ZNF638: variants seen among roughly 807,000 people sequenced by gnomAD.
ZNF638 encodes CTCL tumor antigen se33-1.
ZNF638 carries 46 observed loss-of-function variants against 195.6 expected under a neutral mutation model. The observed-to-expected ratio is 0.24, with a 90% CI of 0.19 to 0.30. ZNF638 has a LOEUF of 0.30. Among genes scored for constraint, ZNF638 ranks in the 10% least tolerant of loss-of-function variants. The pLI is 1.00. For missense variants in ZNF638, 2,440 were observed against 2,325.3 expected (o/e 1.05, Z -1.01); for synonymous variants, 845 against 772.0 (o/e 1.09, Z -1.57).
chr2:71,416,873 C>T (rs974623668), intron 20 of ZNF638, among the ~76,000 whole-genome samples: 1 of 148,224 alleles, frequency 6.7e-6, no homozygotes, highest in Admixed American at 6.7e-5. Context: ...AACCACTGCT[C>T]TCTTCAAAGC....
At chr2:71,347,945 A>C (rs892414871) in intron 1 of ZNF638, among the ~76,000 whole-genome samples, 5 of 152,178 alleles carry the variant, frequency 3.3e-5, no homozygotes, top group African/African-American at 1.2e-4. Context: ...AAAACTGTAC[A>C]TATCTCAGGA....
At chr2:71,393,231 T>C (rs1271294211) in intron 10 of ZNF638, among the ~76,000 whole-genome samples, 1 of 152,226 alleles carries the variant, frequency 6.6e-6, no homozygotes, top group East Asian at 1.9e-4. Flanking sequence ...TTCTAAAATT[T>C]AAATGATAAA....
chr2:71,399,475 A>G, intron 12 of ZNF638, 84 bp from the exon 13 acceptor site: 2 of 906,802 alleles, frequency 2.2e-6, no homozygotes. Context: ...ATAAAGTCAA[A>G]CTAATTTACT....
Position 71,408,167 on chromosome 2 carries a change from A to G in ZNF638, c.3181A>G (p.Ser1061Gly), listed in dbSNP as rs1290897233. 34 of 1,613,336 alleles carry G rather than the reference A, an allele frequency of 2.1e-5. No homozygotes were observed. The highest frequency in any genetic ancestry group is 2.7e-5 in the Non-Finnish European group (32 of 1,179,606). ...DSPESAQSMY[S>G]FLKQNPQNIG... ...TCCTGAATCTGCTCAGTCAATGTAT[A>G]GCTTTCTGAAACAAAATCCACAAAA... Residue 1061 changes from serine (S) to glycine (G), a missense_variant, in exon 20 of 28, where the codon AGC (serine) becomes GGC (glycine). By Grantham distance (56) the Ser-to-Gly change is moderately conservative. Coordinates refer to ENST00000264447, the MANE Select transcript of ZNF638 (RefSeq NM_014497.5).
intron 10 of ZNF638, among the ~76,000 whole-genome samples, chr2:71,381,878 A>G (rs2079540325): frequency 6.6e-6 from 1 of 152,142 alleles, no homozygotes; most frequent in Admixed American, 6.5e-5. Flanking sequence ...ATTGCAGTAG[A>G]GAATATGGAG....
At chr2:71,366,416 CTT>C (rs2104283645) in intron 6 of ZNF638, among the ~76,000 whole-genome samples, 1 of 151,942 alleles carries the variant, frequency 6.6e-6, no homozygotes, top group African/African-American at 2.4e-5. Context: ...TTTCCAATAA[CTT>C]TGAAATTATG....
rs748156664 is a variant in ZNF638, at chr2:71,396,170, G to T, written c.2407G>T (p.Ala803Ser). 5 of 1,613,130 alleles carry T rather than the reference G, an allele frequency of 3.1e-6. No homozygotes were observed. Among genetic ancestry groups the T allele is most frequent in the East Asian group, 4.5e-5 (2 of 44,824 alleles). Residue 803 changes from alanine (A) to serine (S), a missense_variant, in exon 11 of 28, where the codon GCC becomes TCC. Ala to Ser is a moderately conservative substitution (Grantham distance 99, BLOSUM62 1). Transcript: ENST00000264447. ...AKTGQAKASVAKVNKSTGKSA... is the reference protein window; with the variant it reads ...AKTGQAKASVSKVNKSTGKSA... The stretch of plus-strand genomic sequence containing the variant: ...AACTGGACAAGCCAAGGCATCTGTA[G>T]CCAAAGTAAACAAATCTACAGGTAT...
intron 10 of ZNF638, among the ~76,000 whole-genome samples, chr2:71,391,577 C>A (rs1276509383): frequency 3.3e-5 from 5 of 152,192 alleles, no homozygotes; most frequent in Non-Finnish European, 7.3e-5. Flanking sequence ...TTAATCATAG[C>A]ACCTGAAAAA....
intron 10 of ZNF638, chr2:71,393,772 C>T: frequency 3.2e-6 from 2 of 622,372 alleles, no homozygotes; most frequent in East Asian, 2.7e-5. Context: ...GGCAGGCACC[C>T]CCTTCCCAGC....
At chr2:71,370,542 A>G (rs1291441340) in intron 8 of ZNF638, among the ~76,000 whole-genome samples, 6 of 152,198 alleles carry the variant, frequency 3.9e-5, no homozygotes, top group Non-Finnish European at 2.9e-5. Context: ...CTATAGAATT[A>G]CTTTAAATTA....
In ZNF638 at chr2:71,349,187, C is replaced by T; in HGVS notation, c.233C>T (p.Thr78Ile). 1 of 1,614,192 alleles carries T rather than the reference C, an allele frequency of 6.2e-7. No homozygotes were observed. The highest frequency in any genetic ancestry group is 8.5e-7 in the Non-Finnish European group (1 of 1,180,040). The part of the protein sequence containing the change: ...RMNVQVTQHR[T>I]DPRLTKEKLD... ...AATGTTCAGGTAACTCAACACAGAA[C>T]TGATCCAAGATTGACCAAAGAAAAA... Residue 78 changes from threonine (T) to isoleucine (I), a missense_variant, in exon 2 of 28, where the codon ACT (threonine) becomes ATT (isoleucine). Physicochemically the swap from Thr to Ile is moderately conservative, Grantham distance 89 (BLOSUM62 -1). Coordinates refer to ENST00000264447, the MANE Select transcript of ZNF638 (RefSeq NM_014497.5).
At chr2:71,412,027 T>G (rs2080239203) in intron 20 of ZNF638, among the ~76,000 whole-genome samples, 1 of 117,976 alleles carries the variant, frequency 8.5e-6, no homozygotes, top group South Asian at 3.2e-4. Flanking sequence ...TATTTCTAGT[T>G]CTAGATCCCT....
At chr2:71,370,169 C>T (rs2079283269) in intron 8 of ZNF638, among the ~76,000 whole-genome samples, 164 bp downstream of exon 8, 1 of 152,178 alleles carries the variant, frequency 6.6e-6, no homozygotes, top group African/African-American at 2.4e-5. Flanking sequence ...CTTCCTCATA[C>T]ATGTATGGTG....
chr2:71,382,934 C>T (rs1386855286), intron 10 of ZNF638, among the ~76,000 whole-genome samples: 9 of 152,086 alleles, frequency 5.9e-5, no homozygotes, highest in African/African-American at 2.2e-4. Context: ...AGAAAAGAAG[C>T]CTCACATTTG....
chr2:71,411,525 G>A (rs1287681494), intron 20 of ZNF638, among the ~76,000 whole-genome samples: 2 of 107,164 alleles, frequency 1.9e-5, no homozygotes, highest in Admixed American at 2.3e-4. Context: ...TGCACATTGT[G>A]CAGGTTAGTT....
chr2:71,347,674 G>T (rs1179347413), intron 1 of ZNF638, among the ~76,000 whole-genome samples: 1 of 152,194 alleles, frequency 6.6e-6, no homozygotes, highest in Non-Finnish European at 1.5e-5. Flanking sequence ...AAGTTGTGTG[G>T]CTGCTGACCT....
At chr2:71,380,604 T>A (rs1395230583) in intron 10 of ZNF638, 39 bp downstream of exon 10, 1 of 1,528,920 alleles carries the variant, frequency 6.5e-7, no homozygotes, top group East Asian at 2.3e-5. Context: ...AATGAGTGTA[T>A]CTTGTCAGTT....
Position 71,426,472 on chromosome 2 carries a change from C to T in ZNF638, c.4603C>T (p.Pro1535Ser), listed in dbSNP as rs1417504394. Reference sequence around the variant, plus strand: ...AACTTTCCAACAGGAGCCATTATTTCCATTTAATTTGGATGAATTTGTTAC... The same window carrying T: ...AACTTTCCAACAGGAGCCATTATTTTCATTTAATTTGGATGAATTTGTTAC... Reference protein sequence around the residue: ...SSKSKEEPLFPFNLDEFVTVD... With the variant: ...SSKSKEEPLFSFNLDEFVTVD... The change falls in exon 24 of 28, where the codon CCA becomes TCA. Residue 1535 changes from proline (P) to serine (S), a missense_variant. Physicochemically the swap from Pro to Ser is moderately conservative, Grantham distance 74. This residue lies in a region of ZNF638 where 1,883 missense variants were observed against 1,739.1 expected (regional missense o/e 1.08). Coordinates refer to ENST00000264447, the MANE Select transcript of ZNF638 (RefSeq NM_014497.5). 6.4e-7 allele frequency: 1 copy of T among 1,567,916 alleles called. No homozygotes were observed. Among genetic ancestry groups the T allele is most frequent in the East Asian group, 2.2e-5 (1 of 44,608 alleles).
chr2:71,388,277 A>C, intron 10 of ZNF638: 1 of 380,326 alleles, frequency 2.6e-6, no homozygotes, highest in Non-Finnish European at 5.1e-6. Flanking sequence ...GAATTTATCT[A>C]GATAAGTTTA....
Sources: allele counts gnomAD v4.1 joint callset (sites outside exome capture counted in the v4.1 genomes callset), GRCh38; gene constraint gnomAD v4.1.1; regional missense constraint gnomAD v4.1.1; transcripts MANE v1.5; gene names NCBI Gene and HGNC (gene_info 2026-07-23, HGNC 2026-07-21).